The following SEPTIN11 variants were observed in gnomAD, a reference collection of about 807,000 sequenced individuals.
SEPTIN11 encodes septin-11.
A neutral mutation model predicts 51.4 loss-of-function variants in SEPTIN11; 25 were observed. That is an observed-to-expected ratio of 0.49 (90% CI 0.35 to 0.68). The LOEUF (loss-of-function observed/expected upper bound fraction) is 0.68, where lower values mean the gene tolerates loss of function less well. Among genes scored for constraint, SEPTIN11 ranks in the 30% least tolerant of loss-of-function variants. The pLI, the probability that SEPTIN11 is intolerant of heterozygous loss-of-function variation, is 0.00. For missense variants in SEPTIN11, 381 were observed against 520.8 expected (o/e 0.73, Z 2.61); for synonymous variants, 174 against 184.1 (o/e 0.95, Z 0.44).
At chr4:77,003,230 G>T (rs1170328232) in intron 2 of SEPTIN11, among the ~76,000 whole-genome samples, 8 of 152,216 alleles carry the variant, frequency 5.3e-5, no homozygotes, top group Admixed American at 5.2e-4. Flanking sequence ...ATAGTGAAAT[G>T]ATTGGGCTTC....
intron 1 of SEPTIN11, among the ~76,000 whole-genome samples, chr4:76,982,212 CTT>C (rs199895477): frequency 1.1e-4 from 16 of 144,062 alleles, no homozygotes; most frequent in Non-Finnish European, 9.2e-5. Context: ...CTATTCAAAT[CTT>C]TTTTTTTTTT....
chr4:77,020,487 C>T lies in SEPTIN11; in HGVS notation c.785-15C>T, dbSNP rs775554691. On this transcript the variant is annotated splice_polypyrimidine_tract_variant and intron_variant, in intron 6 of 9. Transcript: ENST00000264893. The stretch of plus-strand genomic sequence containing the variant: ...TTGCTAATCCCACTTCCGCCATTTC[C>T]CCCCTCTCTTGTAGTTGAGAATGAA... 2.0e-5 allele frequency: 33 copies of T among 1,612,382 alleles called. No homozygotes were observed. The South Asian group carries it at 3.3e-4, about 16-fold the overall frequency.
At position 76,984,483 on chromosome 4, in the gene SEPTIN11, G is replaced by A. The variant is rs1388568987; in HGVS notation, c.28-11942G>A. On this transcript the variant is annotated intron_variant, in intron 1 of 9. Coordinates refer to ENST00000264893, the MANE Select transcript of SEPTIN11 (RefSeq NM_018243.4). This position sits in a 1 kb window ranked among gnomAD's most constrained non-coding sequence, Gnocchi z 4.1. ...GAAATGGTGGCATCGGGAAGGAAGC[G>A]TCCCATCCATATTTCATTATTTGCT... is the stretch of plus-strand genomic sequence containing the variant. Among the ~76,000 whole-genome samples, 2 of 152,158 alleles carry A rather than the reference G, an allele frequency of 1.3e-5. No homozygotes were observed. The highest frequency in any genetic ancestry group is 3.9e-4 in the East Asian group (2 of 5,188).
At chr4:76,961,827 T>C (rs1360654881) in intron 1 of SEPTIN11, among the ~76,000 whole-genome samples, 2 of 152,234 alleles carry the variant, frequency 1.3e-5, no homozygotes, top group Non-Finnish European at 2.9e-5. Flanking sequence ...GTCCGTGTTC[T>C]GTTTTAGAGC....
chr4:77,019,334 C>A, intron 6 of SEPTIN11, 73 bp downstream of exon 6: 1 of 1,339,474 alleles, frequency 7.5e-7, no homozygotes, highest in Non-Finnish European at 1.0e-6. Context: ...GTTCATTTTC[C>A]GTCTTGTTTA....
intron 1 of SEPTIN11, among the ~76,000 whole-genome samples, chr4:76,985,710 C>G (rs1330900361): frequency 1.3e-5 from 2 of 152,160 alleles, no homozygotes; most frequent in Non-Finnish European, 2.9e-5. Flanking sequence ...GGCCAGGCAC[C>G]AGGGTCCTGG....
intron 1 of SEPTIN11, among the ~76,000 whole-genome samples, chr4:76,977,980 C>T (rs956865540): frequency 1.3e-5 from 2 of 152,154 alleles, no homozygotes; most frequent in Non-Finnish European, 2.9e-5. Context: ...TAACTGCATC[C>T]TTTCTTGTTT....
At chr4:76,968,254 A>G (rs1722107561) in intron 1 of SEPTIN11, among the ~76,000 whole-genome samples, 1 of 152,212 alleles carries the variant, frequency 6.6e-6, no homozygotes, top group Admixed American at 6.5e-5. Context: ...CTAGAGCCAG[A>G]AGGGCCTTCA....
chr4:77,014,770 A>G (rs1725101295), intron 4 of SEPTIN11, 86 bp from the exon 5 acceptor site: 1 of 1,394,906 alleles, frequency 7.2e-7, no homozygotes, highest in South Asian at 1.2e-5. Context: ...AAGGTTTTGC[A>G]ATTTTTATTT....
chr4:77,025,491 G>T (rs1578202021), intron 7 of SEPTIN11, among the ~76,000 whole-genome samples: 1 of 151,938 alleles, frequency 6.6e-6, no homozygotes, highest in African/African-American at 2.4e-5. Context: ...CGTATGGTGA[G>T]CTATGATCCT....
At chr4:76,973,997 C>A (rs187093658) in intron 1 of SEPTIN11, among the ~76,000 whole-genome samples, 1 of 152,110 alleles carries the variant, frequency 6.6e-6, no homozygotes, top group Admixed American at 6.5e-5. Context: ...TTTACCTCTC[C>A]TCATAAATCA....
At chr4:76,955,490 A>G (rs564860324) in intron 1 of SEPTIN11, among the ~76,000 whole-genome samples, 1 of 152,298 alleles carries the variant, frequency 6.6e-6, no homozygotes, top group South Asian at 2.1e-4. Flanking sequence ...GACAGACAAG[A>G]GGCTGAGGAG....
rs79756506 is a variant in SEPTIN11 at position 76,961,755 on chromosome 4, C to T, written c.27+11825C>T. Among the ~76,000 whole-genome samples, 1,182 of 152,220 alleles carry T rather than the reference C, an allele frequency of 7.8e-3. 16 individuals are homozygous for T. Among genetic ancestry groups the T allele is most frequent in the African/African-American group, 0.027 (1,128 of 41,526 alleles). ...TTTGAAGTGTGGTTTTTACTGAATG[C>T]GTATCACTTTTGTACCATTGGAAAG... On this transcript the variant is annotated intron_variant, in intron 1 of 9. Coordinates refer to ENST00000264893, the MANE Select transcript of SEPTIN11 (RefSeq NM_018243.4).
At chr4:76,998,830 C>T (rs553318754) in intron 2 of SEPTIN11, among the ~76,000 whole-genome samples, 2 of 152,158 alleles carry the variant, frequency 1.3e-5, no homozygotes, top group African/African-American at 2.4e-5. Flanking sequence ...ATTCCTGACA[C>T]GTCTCACCAA....
intron 2 of SEPTIN11, among the ~76,000 whole-genome samples, chr4:77,005,389 T>G (rs146316616): frequency 1.3e-5 from 2 of 152,364 alleles, no homozygotes; most frequent in East Asian, 3.9e-4. Flanking sequence ...GAAATCTCTC[T>G]GCTAAATAGT....
At chr4:76,979,338 G>A (rs367653941) in intron 1 of SEPTIN11, among the ~76,000 whole-genome samples, 2 of 152,316 alleles carry the variant, frequency 1.3e-5, no homozygotes, top group East Asian at 3.9e-4. Context: ...CATTTTGCCT[G>A]GAATTTTGAG....
chr4:76,976,790 C>T (rs1214518242), intron 1 of SEPTIN11, among the ~76,000 whole-genome samples: 1 of 152,074 alleles, frequency 6.6e-6, no homozygotes, highest in Non-Finnish European at 1.5e-5. Context: ...TGTTAGAATC[C>T]CGTAATTTAA....
chr4:77,013,845 T>C (rs2109959086), intron 4 of SEPTIN11, among the ~76,000 whole-genome samples: 1 of 152,330 alleles, frequency 6.6e-6, no homozygotes, highest in South Asian at 2.1e-4. Flanking sequence ...ACCGAGTCTG[T>C]TTTCTCTCAC....
At chr4:77,030,278 C>T (rs575774897) in intron 8 of SEPTIN11, among the ~76,000 whole-genome samples, 9 of 152,270 alleles carry the variant, frequency 5.9e-5, no homozygotes, top group Admixed American at 2.6e-4. Flanking sequence ...TCTAGTGTCA[C>T]AGGAGTCTGG....
Sources: allele counts gnomAD v4.1 joint callset (sites outside exome capture counted in the v4.1 genomes callset), GRCh38; gene constraint gnomAD v4.1.1; non-coding constraint Gnocchi (gnomAD v3.1); transcripts MANE v1.5; gene names NCBI Gene and HGNC (gene_info 2026-07-23, HGNC 2026-07-21).